The following NYAP2 variants were observed in gnomAD, a reference collection of about 807,000 sequenced individuals.
NYAP2 encodes neuronal tyrosine-phosphorylated phosphoinositide-3-kinase adaptor 2, also known as neuronal tyrosine-phosphorylated phosphoinositide-3-kinase adapter 2.
A neutral mutation model predicts 50.4 loss-of-function variants in NYAP2; 23 were observed. That is an observed-to-expected ratio of 0.46 (90% CI 0.33 to 0.65). The LOEUF (loss-of-function observed/expected upper bound fraction) is 0.65. Among genes scored for constraint, NYAP2 ranks in the 30% least tolerant of loss-of-function variants. The probability of loss-of-function intolerance (pLI) is 0.02; values close to 1 mark genes in which losing one functional copy is unlikely to be tolerated. For missense variants in NYAP2, 885 were observed against 861.0 expected, an observed-to-expected ratio of 1.03 and a Z score of -0.35; for synonymous variants, 394 against 365.2, an observed-to-expected ratio of 1.08 and a Z score of -0.90.
intron 3 of NYAP2, among the ~76,000 whole-genome samples, chr2:225,476,322 A>G (rs1690105569): frequency 6.6e-6 from 1 of 151,964 alleles, no homozygotes; most frequent in Admixed American, 6.6e-5. Context: ...CTGAGGCAGG[A>G]GAACGGCGTG....
the NYAP2 span, among the ~76,000 whole-genome samples, chr2:225,695,942 G>T: frequency 6.6e-6 from 1 of 151,964 alleles, no homozygotes; most frequent in South Asian, 2.1e-4. Flanking sequence ...GTACAAGCAA[G>T]ATATTTATCT....
intron 3 of NYAP2, among the ~76,000 whole-genome samples, chr2:225,489,711 C>T (rs530144948): frequency 6.6e-6 from 1 of 152,286 alleles, no homozygotes; most frequent in African/African-American, 2.4e-5. Context: ...AGCAGGGTAT[C>T]CTCCTTCTGA....
chr2:225,694,811 A>AT, the NYAP2 span, among the ~76,000 whole-genome samples: 87 of 151,856 alleles, frequency 5.7e-4, no homozygotes, highest in African/African-American at 1.9e-3. Flanking sequence ...CTGAGTTTGA[A>AT]TTATTGTCTG....
chr2:225,669,352 C>T, the NYAP2 span, among the ~76,000 whole-genome samples: 5 of 152,116 alleles, frequency 3.3e-5, no homozygotes, highest in Non-Finnish European at 7.3e-5. Context: ...CACATCACGT[C>T]TCTACCTACT....
intron 4 of NYAP2, among the ~76,000 whole-genome samples, chr2:225,536,984 T>C (rs1275881645): frequency 6.6e-6 from 1 of 152,098 alleles, no homozygotes; most frequent in African/African-American, 2.4e-5. Context: ...TTCACCATGT[T>C]AGCCAGGATG....
rs1457873367 is a variant in NYAP2, at chr2:225,582,547, G to A, written c.1130G>A (p.Gly377Glu). The change falls in exon 5 of 7, where the codon GGG becomes GAG. Residue 377 changes from glycine to glutamate, a missense_variant. By Grantham distance (98) the Gly-to-Glu change is moderately conservative (BLOSUM62 -2). Coordinates refer to ENST00000636099, the Ensembl canonical transcript of NYAP2. This position sits in a 1 kb window ranked among gnomAD's most constrained non-coding sequence, Gnocchi z 7.0. ...GTGTCTTACATGAAACAGCCAGCCG[G>A]GGCGTCGCCCTCCACGCTGCCGTCC... The A allele has an allele frequency of 9.5e-6, 15 of 1,582,330 alleles. No homozygotes were observed. The highest frequency in any genetic ancestry group is 2.3e-5 in the East Asian group (1 of 44,180).
At chr2:225,673,429 TGACA>T in the NYAP2 span, among the ~76,000 whole-genome samples, 7 of 150,870 alleles carry the variant, frequency 4.6e-5, no homozygotes, top group African/African-American at 1.7e-4. Flanking sequence ...CAGACTTGCT[TGACA>T]GAGGGTTGCC....
chr2:225,492,798 G>A (rs774274465), intron 3 of NYAP2, among the ~76,000 whole-genome samples: 19 of 152,048 alleles, frequency 1.2e-4, no homozygotes, highest in Non-Finnish European at 2.5e-4. Flanking sequence ...GATCTCATGA[G>A]AAGTAATTTA....
intron 3 of NYAP2, among the ~76,000 whole-genome samples, chr2:225,509,853 T>G (rs970750799): frequency 3.1e-4 from 47 of 152,160 alleles, no homozygotes; most frequent in African/African-American, 1.1e-3. Context: ...AGGTATTTGA[T>G]CTCCTACCTG....
chr2:225,664,055 T>TA, the NYAP2 span, among the ~76,000 whole-genome samples: 4 of 152,180 alleles, frequency 2.6e-5, no homozygotes, highest in African/African-American at 9.7e-5. Flanking sequence ...TCCCTGTACT[T>TA]ACTGTCATAA....
intron 3 of NYAP2, among the ~76,000 whole-genome samples, chr2:225,512,012 T>C (rs1044316651): frequency 1.3e-5 from 2 of 152,206 alleles, no homozygotes; most frequent in Non-Finnish European, 2.9e-5. Flanking sequence ...TAAAAAATTG[T>C]GTTTACTCTT....
chr2:225,398,809 C>G (rs1330694438), upstream of NYAP2, among the ~76,000 whole-genome samples: 1 of 151,826 alleles, frequency 6.6e-6, no homozygotes, highest in South Asian at 2.1e-4. Context: ...ACACAAAGAC[C>G]AAGAAATAAG....
intron 3 of NYAP2, among the ~76,000 whole-genome samples, chr2:225,439,415 A>G (rs1348223046): frequency 1.3e-5 from 2 of 152,198 alleles, no homozygotes; most frequent in African/African-American, 4.8e-5. Context: ...GAAAGGATGG[A>G]AAATTGTGAT....
At chr2:225,605,668 TA>T (rs1692772901) in intron 5 of NYAP2, among the ~76,000 whole-genome samples, 3 of 152,042 alleles carry the variant, frequency 2.0e-5, no homozygotes, top group African/African-American at 7.2e-5. Flanking sequence ...TGTAAATAAA[TA>T]AATAAATAAA....
At chr2:225,650,834 G>A (rs1693717135) in intron 6 of NYAP2, among the ~76,000 whole-genome samples, 1 of 152,134 alleles carries the variant, frequency 6.6e-6, no homozygotes, top group Non-Finnish European at 1.5e-5. Context: ...CCTGTCAGTG[G>A]CCTAGGCAGC....
chr2:225,579,670 C>T (rs918308780), intron 4 of NYAP2, among the ~76,000 whole-genome samples: 3 of 152,146 alleles, frequency 2.0e-5, no homozygotes, highest in Admixed American at 6.5e-5. Flanking sequence ...TCAACCGTTG[C>T]TTCTCTGAAT....
At chr2:225,695,572 A>G in the NYAP2 span, among the ~76,000 whole-genome samples, 1 of 151,674 alleles carries the variant, frequency 6.6e-6, no homozygotes, top group Admixed American at 6.6e-5. Flanking sequence ...ACATGTTGGG[A>G]CCACCAAGAT....
chr2:225,573,473 A>T (rs6436568), intron 4 of NYAP2, among the ~76,000 whole-genome samples: 139,680 of 152,006 alleles, frequency 0.92, 64,293 homozygotes, highest in Middle Eastern at 0.98. Context: ...GCTGGTCTCG[A>T]ACTTATGACC....
chr2:225,403,546 G>C (rs567962761), intron 2 of NYAP2, among the ~76,000 whole-genome samples: 2 of 152,002 alleles, frequency 1.3e-5, no homozygotes, highest in East Asian at 3.9e-4. Context: ...AGAGCTTCAG[G>C]TATTAAGATT....
Sources: allele counts gnomAD v4.1 joint callset (sites outside exome capture counted in the v4.1 genomes callset), GRCh38; gene constraint gnomAD v4.1.1; non-coding constraint Gnocchi (gnomAD v3.1); transcripts MANE v1.5; gene names NCBI Gene and HGNC (gene_info 2026-07-23, HGNC 2026-07-21).